MAGI1: variants seen among roughly 807,000 people sequenced by gnomAD.
MAGI1 encodes membrane-associated guanylate kinase, WW and PDZ domain-containing protein 1.
In MAGI1, 58 loss-of-function variants were observed where a neutral mutation model predicts 139.9. The observed-to-expected ratio is 0.41, with a 90% CI of 0.34 to 0.52. The LOEUF is 0.52. Ranked by LOEUF, MAGI1 falls within the 20% of genes least tolerant of loss-of-function variation. The pLI is 0.12. For synonymous variants in MAGI1, 812 were observed against 737.9 expected, an observed-to-expected ratio of 1.10 and a Z score of -1.63; for missense variants, 1,874 against 1,901.6, an observed-to-expected ratio of 0.99 and a Z score of 0.27.
intron 5 of MAGI1, among the ~76,000 whole-genome samples, chr3:65,468,990 T>TA (rs57673741): frequency 1.3e-5 from 2 of 151,322 alleles, no homozygotes; most frequent in Non-Finnish European, 2.9e-5. Flanking sequence ...AATAAATAAA[T>TA]GTGTGTATAC....
At chr3:65,982,495 G>A (rs933999492) in intron 1 of MAGI1, among the ~76,000 whole-genome samples, 3 of 152,160 alleles carry the variant, frequency 2.0e-5, no homozygotes, top group African/African-American at 7.2e-5. Flanking sequence ...CATTTAAAAA[G>A]GGAAGAAATG....
At chr3:65,635,943 G>A (rs890400148) in intron 1 of MAGI1, among the ~76,000 whole-genome samples, 1 of 152,218 alleles carries the variant, frequency 6.6e-6, no homozygotes, top group African/African-American at 2.4e-5. Flanking sequence ...ACTGGACTGT[G>A]AGAGCAGAAA....
chr3:65,614,752 C>T (rs2083283827), intron 2 of MAGI1, among the ~76,000 whole-genome samples: 3 of 151,916 alleles, frequency 2.0e-5, no homozygotes. Flanking sequence ...TGCCAGCTGC[C>T]CTGTCTAGTG....
At chr3:65,994,817 T>A (rs975490427) in intron 1 of MAGI1, among the ~76,000 whole-genome samples, 1 of 152,206 alleles carries the variant, frequency 6.6e-6, no homozygotes, top group South Asian at 2.1e-4. Context: ...TCTAGGCACA[T>A]GAAGTGGGTT....
intron 1 of MAGI1, among the ~76,000 whole-genome samples, chr3:65,695,337 G>T (rs1477023464): frequency 1.3e-5 from 2 of 152,184 alleles, no homozygotes; most frequent in African/African-American, 4.8e-5. Flanking sequence ...CTTGTCCCAG[G>T]GAGGTAAGAC....
intron 18 of MAGI1, among the ~76,000 whole-genome samples, chr3:65,375,176 T>C (rs1188787993): frequency 6.6e-6 from 1 of 151,344 alleles, no homozygotes; most frequent in East Asian, 1.9e-4. Flanking sequence ...AGGGTGAAGA[T>C]TTTTCTGAAA....
chr3:65,703,706 C>G, intron 1 of MAGI1, among the ~76,000 whole-genome samples: 1 of 152,174 alleles, frequency 6.6e-6, no homozygotes. Context: ...ACACAGGCTT[C>G]CCAGTGTGCC....
chr3:65,399,406 T>C (rs945442451), intron 13 of MAGI1, among the ~76,000 whole-genome samples: 3 of 152,284 alleles, frequency 2.0e-5, no homozygotes, highest in Admixed American at 6.5e-5. Context: ...TCACAGATGT[T>C]AGCAGCACTT....
intron 1 of MAGI1, among the ~76,000 whole-genome samples, chr3:66,007,147 T>C (rs1362084802): frequency 3.3e-5 from 5 of 151,974 alleles, no homozygotes; most frequent in Non-Finnish European, 1.5e-5. Context: ...GGCCTGAAGA[T>C]CACATATGTC....
chr3:65,873,683 A>C (rs2060014429), intron 1 of MAGI1: 1 of 152,196 alleles, frequency 6.6e-6, no homozygotes, highest in South Asian at 2.1e-4. Flanking sequence ...AGACCTCTGC[A>C]TATTTGATTT....
chr3:65,786,153 G>A (rs1050785137), intron 1 of MAGI1, among the ~76,000 whole-genome samples: 4 of 150,852 alleles, frequency 2.7e-5, no homozygotes, highest in Admixed American at 6.6e-5. Flanking sequence ...ATGGGATTTC[G>A]CCTTGTTGGC....
At chr3:65,375,122 T>C (rs543550414) in intron 18 of MAGI1, among the ~76,000 whole-genome samples, 3 of 152,142 alleles carry the variant, frequency 2.0e-5, no homozygotes, top group South Asian at 2.1e-4. Context: ...AACTATTTTA[T>C]AGTGTTGAAG....
At chr3:65,883,685 C>G (rs1230783913) in intron 1 of MAGI1, among the ~76,000 whole-genome samples, 1 of 152,190 alleles carries the variant, frequency 6.6e-6, no homozygotes, top group African/African-American at 2.4e-5. Flanking sequence ...ACAAATGACA[C>G]CTTCCTGAAT....
intron 1 of MAGI1, among the ~76,000 whole-genome samples, chr3:65,731,159 T>G (rs1307853623): frequency 6.6e-6 from 1 of 152,146 alleles, no homozygotes; most frequent in Non-Finnish European, 1.5e-5. Context: ...GGTATATAAG[T>G]AAAAGGCTGA....
intron 2 of MAGI1, among the ~76,000 whole-genome samples, chr3:65,512,608 A>G (rs1659870003): frequency 6.6e-6 from 1 of 152,178 alleles, no homozygotes; most frequent in African/African-American, 2.4e-5. Flanking sequence ...TAAGCCAGGA[A>G]GAAGTTGAAT....
chr3:65,409,775 G>A (rs1249783996), intron 12 of MAGI1, among the ~76,000 whole-genome samples: 1 of 152,100 alleles, frequency 6.6e-6, no homozygotes, highest in Non-Finnish European at 1.5e-5. Flanking sequence ...TTCCTTTGGG[G>A]ACTTAATAAT....
At chr3:65,756,548 G>A (rs531298574) in intron 1 of MAGI1, among the ~76,000 whole-genome samples, 10 of 152,220 alleles carry the variant, frequency 6.6e-5, no homozygotes, top group South Asian at 4.1e-4. Context: ...TCATCCCAGC[G>A]TCTGGCTCCT....
rs1940201768 is a variant in MAGI1, at chr3:65,356,500, T to C, written c.4267A>G (p.Arg1423Gly). 3.1e-6 allele frequency: 5 copies of C among 1,609,816 alleles called. No homozygotes were observed. Among genetic ancestry groups the C allele is most frequent in the Non-Finnish European group, 4.2e-6 (5 of 1,179,344 alleles). The change falls in exon 23 of 23, where the codon AGA (arginine) becomes GGA (glycine). Residue 1423 changes from arginine (R) to glycine (G), a missense_variant. By Grantham distance (125) the Arg-to-Gly change is moderately radical. Transcript: ENST00000402939. ...TCTTCCCTTTCTCGGTGGCTGGCTC[T>C]GTCCTCTCTGTTCCTTTTGTCCAGG... is the stretch of plus-strand genomic sequence containing the variant. ...RSLDKRNREDRASHREREEAN... is the reference protein window; with the variant it reads ...RSLDKRNREDGASHREREEAN...
chr3:66,031,003 T>C (rs1202098795), intron 1 of MAGI1, among the ~76,000 whole-genome samples: 1 of 152,198 alleles, frequency 6.6e-6, no homozygotes, highest in Non-Finnish European at 1.5e-5. Context: ...AACCTTGACA[T>C]CTGTTGAAAC....
Sources: gnomAD v4.1 joint callset for allele counts (sites outside exome capture counted in the v4.1 genomes callset) on GRCh38, gnomAD v4.1.1 for gene constraint, MANE v1.5 for transcripts, NCBI Gene and HGNC (gene_info 2026-07-23, HGNC 2026-07-21) for gene names.